ILK: variants seen among roughly 807,000 people sequenced by gnomAD.
ILK encodes integrin linked kinase.
ILK carries 37 observed loss-of-function variants against 57.8 expected under a neutral mutation model. That is an observed-to-expected ratio of 0.64 (90% CI 0.49 to 0.84). The LOEUF (loss-of-function observed/expected upper bound fraction) is 0.84. Ranked by LOEUF, ILK falls within the 40% of genes least tolerant of loss-of-function variation. The probability of loss-of-function intolerance (pLI) is 0.00; values close to 1 mark genes in which losing one functional copy is unlikely to be tolerated. For synonymous variants in ILK, 231 were observed against 202.2 expected (o/e 1.14, Z -1.21); for missense variants, 528 against 595.7 (o/e 0.89, Z 1.18).
rs765621782 is a variant in ILK at position 6,608,379 on chromosome 11, G to A, written c.256-15G>A. On this transcript the variant is annotated splice_polypyrimidine_tract_variant and intron_variant, in intron 3 of 12. Coordinates refer to ENST00000299421, the MANE Select transcript of ILK (RefSeq NM_004517.4). The surrounding 1 kb of genome is among the most constrained non-coding windows in gnomAD (Gnocchi z 4.9). ...TACTTTCTGCCTCTTCTTTTTGTCT[G>A]GCCATGGGGTCCAGCTATTGCAGTA... 1 of 1,611,720 alleles carries A rather than the reference G, an allele frequency of 6.2e-7. No homozygotes were observed. The highest frequency in any genetic ancestry group is 1.1e-5 in the South Asian group (1 of 91,040).
At chr11:6,607,150 C>G (rs1481539827) in intron 2 of ILK, 2 of 152,472 alleles carry the variant, frequency 1.3e-5, no homozygotes, top group Non-Finnish European at 2.9e-5. Flanking sequence ...CCACGGACCG[C>G]CCCCTGCTCC....
intron 12 of ILK, 91 bp downstream of exon 12, chr11:6,610,369 T>G (rs1855379234): frequency 6.2e-7 from 1 of 1,613,038 alleles, no homozygotes; most frequent in Non-Finnish European, 8.5e-7. Context: ...ACATATTTGT[T>G]CGGATATACA....
rs767020885 is a variant in ILK, at chr11:6,608,520, G to A, written c.351+31G>A. On this transcript the variant is annotated intron_variant, in intron 4 of 12. Transcript: ENST00000299421. The surrounding 1 kb of genome is among the most constrained non-coding windows in gnomAD (Gnocchi z 4.9). ...TACTCAGCCCTTAATTCCTGAGATG[G>A]GTAGGAAGTAAAGTCTGAGCCTTGG... 2 of 1,564,730 alleles carry A rather than the reference G, an allele frequency of 1.3e-6. No homozygotes were observed. The highest frequency in any genetic ancestry group is 8.8e-7 in the Non-Finnish European group (1 of 1,135,090).
Position 6,603,795 on chromosome 11 carries a change from G to A in ILK, c.-120G>A, listed in dbSNP as rs546751176. On this transcript the variant is annotated 5_prime_UTR_variant, in exon 1 of 13. Transcript: ENST00000299421. Reference sequence around the variant, plus strand: ...GGGCGCGGCCGGACGGGAGTTCCCCGGAGAAGGATCCTGCAGCCCGAGTCC... The same window carrying A: ...GGGCGCGGCCGGACGGGAGTTCCCCAGAGAAGGATCCTGCAGCCCGAGTCC... The A allele has an allele frequency of 5.5e-6, 2 of 362,570 alleles. No individual in the cohort carries two copies. The allele number at this position is 362,570 out of a possible 1,614,324, so 22.5% of individuals were successfully genotyped here. A position where few individuals can be genotyped will look rare whatever the true frequency, so the allele number is the denominator to read the frequency against.
Position 6,608,036 on chromosome 11 carries a change from T to C in ILK, c.90-10T>C. ...CCTCCAGCTCAATGACCATTGCCCC[T>C]TCCTCAAAGGGACGATCATGGCTTC... On this transcript the variant is annotated splice_polypyrimidine_tract_variant and intron_variant, in intron 2 of 12. Transcript: ENST00000299421. This position sits in a 1 kb window ranked among gnomAD's most constrained non-coding sequence, Gnocchi z 4.9. The C allele has an allele frequency of 6.2e-7, 1 of 1,613,784 alleles. No homozygotes were observed. The highest frequency in any genetic ancestry group is 8.5e-7 in the Non-Finnish European group (1 of 1,179,950).
chr11:6,610,027 C>T lies in ILK; in HGVS notation c.1070C>T (p.Ala357Val). Residue 357 changes from alanine (A) to valine (V), a missense_variant, in exon 11 of 13, where the codon GCC becomes GTC. Physicochemically the swap from Ala to Val is moderately conservative, Grantham distance 64. Transcript: ENST00000299421. ...PGRMYAPAWVAPEALQKKPED... is the reference protein window; with the variant it reads ...PGRMYAPAWVVPEALQKKPED... ...CGCATGTATGCACCTGCCTGGGTAG[C>T]CCCCGAAGGTGAGTGAAGTCATCAT... is the stretch of plus-strand genomic sequence containing the variant. 1 of 1,614,142 alleles carries T rather than the reference C, an allele frequency of 6.2e-7. No homozygotes were observed. Among genetic ancestry groups the T allele is most frequent in the Non-Finnish European group, 8.5e-7 (1 of 1,180,020 alleles).
rs769283883 is a variant in ILK at position 6,610,138 on chromosome 11, A to G, written c.1079-10A>G. 3 of 1,614,096 alleles carry G rather than the reference A, an allele frequency of 1.9e-6. No individual in the cohort carries two copies. The highest frequency in any genetic ancestry group is 2.2e-5 in the East Asian group (1 of 44,902). ...AAGGGGGCCAGAACAGACAAGCCCT[A>G]TCTCTCCAGCTCTGCAGAAGAAGCC... is the stretch of plus-strand genomic sequence containing the variant. On this transcript the variant is annotated splice_polypyrimidine_tract_variant and intron_variant, in intron 11 of 12. Transcript: ENST00000299421.
intron 2 of ILK, chr11:6,606,155 A>G (rs1854884039): frequency 6.6e-6 from 1 of 152,282 alleles, no homozygotes; most frequent in Admixed American, 6.5e-5. Flanking sequence ...CCTGGGCCAC[A>G]GAGCAAGACT....
intron 2 of ILK, chr11:6,607,248 T>G (rs1028506514): frequency 6.6e-6 from 1 of 152,250 alleles, no homozygotes; most frequent in Non-Finnish European, 1.5e-5. Flanking sequence ...ACCAATTGTT[T>G]TGTTTTGTTT....
Position 6,608,585 on chromosome 11 carries a change from A to C in ILK, c.351+96A>C, listed in dbSNP as rs142651387. The C allele has an allele frequency of 7.6e-7, 1 of 1,313,732 alleles. No individual in the cohort carries two copies. The highest frequency in any genetic ancestry group is 1.4e-5 in the African/African-American group (1 of 69,040). 81.4% of individuals were successfully genotyped at this position (1,313,732 alleles called of 1,614,324 possible). A position where few individuals can be genotyped will look rare whatever the true frequency, so the allele number is the denominator to read the frequency against. On this transcript the variant is annotated intron_variant, in intron 4 of 12. Transcript: ENST00000299421. This position sits in a 1 kb window ranked among gnomAD's most constrained non-coding sequence, Gnocchi z 4.9. ...ACCCTCAACCCATTCTGTCAGTACT[A>C]CTGTGTGACACTTACAGGATTAAGT...
chr11:6,609,406 C>G lies in ILK; in HGVS notation c.726C>G (p.Leu242=). Residue 242 remains leucine, a splice_region_variant and synonymous_variant, in exon 8 of 13, where the codon CTC becomes CTG. Transcript: ENST00000299421. ...SRDFNEECPR[L]RIFSHPNVLP... ...ACTTCAATGAAGAGTGTCCCCGGCT[C>G]AGGTAGTGCAAGGCGTAACCTGGAA... is the stretch of plus-strand genomic sequence containing the variant. The G allele has an allele frequency of 1.2e-6, 2 of 1,613,938 alleles. No individual in the cohort carries two copies. Among genetic ancestry groups the G allele is most frequent in the Non-Finnish European group, 1.7e-6 (2 of 1,179,906 alleles).
intron 2 of ILK, chr11:6,607,714 T>G: frequency 2.7e-6 from 1 of 369,938 alleles, no homozygotes; most frequent in Admixed American, 4.1e-5. Flanking sequence ...ATATAAGATG[T>G]GGTGGAAAAC....
At chr11:6,604,449 C>G in intron 2 of ILK, 89 bp downstream of exon 2, 1 of 1,174,792 alleles carries the variant, frequency 8.5e-7, no homozygotes, top group Non-Finnish European at 1.2e-6. Flanking sequence ...GTGGCGGCTG[C>G]CTTTGCTAGC....
chr11:6,604,777 G>T (rs1328565329), intron 2 of ILK: 2 of 467,592 alleles, frequency 4.3e-6, no homozygotes, highest in Admixed American at 4.7e-5. Context: ...GCATATTTAG[G>T]CTATAAGAAG....
intron 6 of ILK, 51 bp downstream of exon 6, chr11:6,609,018 T>C: frequency 6.2e-7 from 1 of 1,612,438 alleles, no homozygotes; most frequent in Non-Finnish European, 8.5e-7. Flanking sequence ...AATCCTGGCC[T>C]CTTGGGGCTG....
At chr11:6,607,960 A>T in intron 2 of ILK, 86 bp from the exon 3 acceptor site, 1 of 1,380,222 alleles carries the variant, frequency 7.2e-7, no homozygotes, top group Non-Finnish European at 1.0e-6. Context: ...GCCTTCCCAG[A>T]GAGTATGTAA....
chr11:6,605,866 C>T (rs1377860308), intron 2 of ILK, among the ~76,000 whole-genome samples: 2 of 152,228 alleles, frequency 1.3e-5, no homozygotes, highest in African/African-American at 4.8e-5. Context: ...GCTCTCGATA[C>T]AGCAGATTTG....
intron 2 of ILK, chr11:6,606,999 A>G (rs1854978306): frequency 6.6e-6 from 1 of 152,270 alleles, no homozygotes; most frequent in African/African-American, 2.4e-5. Flanking sequence ...GAAAATGATT[A>G]ACTTAAAGGC....
In ILK at chr11:6,608,104, G is replaced by A; in HGVS notation, c.148G>A (p.Val50Ile). Residue 50 changes from valine (V) to isoleucine (I), a missense_variant, in exon 3 of 13, where the codon GTT (valine) becomes ATT (isoleucine). Coordinates refer to ENST00000299421, the MANE Select transcript of ILK (RefSeq NM_004517.4). This position sits in a 1 kb window ranked among gnomAD's most constrained non-coding sequence, Gnocchi z 4.9. ...WACREGRSAV[V>I]EMLIMRGARI... The stretch of plus-strand genomic sequence containing the variant: ...CTGCCGAGAGGGCCGCTCTGCTGTG[G>A]TTGAGATGTTGATCATGCGGGGGGC... The A allele has an allele frequency of 6.2e-7, 1 of 1,614,186 alleles. No individual in the cohort carries two copies.
Sources: gnomAD v4.1 joint callset for allele counts (sites outside exome capture counted in the v4.1 genomes callset) on GRCh38, gnomAD v4.1.1 for gene constraint, Gnocchi (gnomAD v3.1) non-coding constraint, MANE v1.5 for transcripts, NCBI Gene and HGNC (gene_info 2026-07-23, HGNC 2026-07-21) for gene names.